RCC1L: variants seen among roughly 807,000 people sequenced by gnomAD.
RCC1L encodes the protein RCC1 like.
In RCC1L, 46 loss-of-function variants were observed where a neutral mutation model predicts 58.6. The observed-to-expected ratio is 0.79, with a 90% confidence interval of 0.62 to 1.00. The LOEUF (loss-of-function observed/expected upper bound fraction) is 1.00. Among genes scored for constraint, RCC1L ranks in the 50% least tolerant of loss-of-function variants. The pLI, the probability that RCC1L is intolerant of heterozygous loss-of-function variation, is 0.00. For synonymous variants in RCC1L, 281 were observed against 262.9 expected (o/e 1.07, Z -0.67); for missense variants, 636 against 623.6 (o/e 1.02, Z -0.21).
downstream of RCC1L, among the ~76,000 whole-genome samples, chr7:75,037,788 C>T (rs1392145287): frequency 6.6e-6 from 1 of 152,060 alleles, no homozygotes; most frequent in South Asian, 2.1e-4. Flanking sequence ...GGATTACAGG[C>T]GTGAGCCACC....
intron 5 of RCC1L, among the ~76,000 whole-genome samples, chr7:75,062,847 A>G (rs1299920899): frequency 6.6e-6 from 1 of 151,996 alleles, no homozygotes; most frequent in Non-Finnish European, 1.5e-5. Context: ...TCCAGGCTGG[A>G]GTGCAGTGGT....
chr7:75,053,644 A>G (rs1182035428), intron 9 of RCC1L, among the ~76,000 whole-genome samples: 1 of 152,194 alleles, frequency 6.6e-6, no homozygotes, highest in Non-Finnish European at 1.5e-5. Context: ...TTAAGAGGTC[A>G]ACCCAGGAGA....
At chr7:75,028,620 A>G (rs1425841151) in intron 10 of RCC1L, among the ~76,000 whole-genome samples, 5 of 152,104 alleles carry the variant, frequency 3.3e-5, no homozygotes, top group Admixed American at 3.3e-4. Context: ...CCTCCCTGCC[A>G]CTGATAAGTT....
At chr7:75,038,720 A>G (rs1045691212), downstream of RCC1L, among the ~76,000 whole-genome samples, 12 of 152,034 alleles carry the variant, frequency 7.9e-5, no homozygotes, top group Non-Finnish European at 1.6e-4. Flanking sequence ...CTGCATCCTC[A>G]GATGCTGCAG....
In RCC1L at chr7:75,042,609, G is replaced by A; in HGVS notation, c.*423C>T. 9.8e-7 allele frequency: 1 copy of A among 1,018,834 alleles called. No homozygotes were observed. The highest frequency in any genetic ancestry group is 1.7e-5 in the African/African-American group (1 of 58,066). The allele number at this position is 1,018,834 out of a possible 1,614,324, so 63.1% of individuals were successfully genotyped here. On this transcript the variant is annotated 3_prime_UTR_variant, in exon 11 of 11. Transcript: ENST00000610322. Reference sequence around the variant, plus strand: ...ACTCCCTCGCCTAAGCTGGGGCTCGGTCCGAGGCACACGCATGGCCTTGGC... The same window carrying A: ...ACTCCCTCGCCTAAGCTGGGGCTCGATCCGAGGCACACGCATGGCCTTGGC...
intron 3 of RCC1L, 102 bp downstream of exon 3, chr7:75,066,562 A>G: frequency 5.3e-6 from 8 of 1,512,600 alleles, no homozygotes; most frequent in South Asian, 2.3e-5. Context: ...CACTCATTAG[A>G]TGTGGCTCAA....
Position 75,032,168 on chromosome 7 carries a change from A to G in RCC1L, c.1318-4089T>C, listed in dbSNP as rs980095101. 1.3e-5 allele frequency among the ~76,000 whole-genome samples: 2 copies of G among 152,196 alleles called. 1 individual carries two copies. The highest frequency in any genetic ancestry group is 4.1e-4 in the South Asian group (2 of 4,830). ...ATGACTGGGGGCCATCTTGGAGGCCAGCTACTATGCCCAGCATCCCCACCC... is the reference window on the plus strand; with the variant it reads ...ATGACTGGGGGCCATCTTGGAGGCCGGCTACTATGCCCAGCATCCCCACCC... On this transcript the variant is annotated intron_variant, in intron 10 of 10. Coordinates refer to the RCC1L transcript ENST00000614461.
At chr7:75,047,081 C>A (rs1238746489) in intron 10 of RCC1L, among the ~76,000 whole-genome samples, 1 of 152,166 alleles carries the variant, frequency 6.6e-6, no homozygotes, top group Non-Finnish European at 1.5e-5. Flanking sequence ...CCTCAGCCCC[C>A]CAAGTAGCTG....
At chr7:75,064,947 T>C (rs1008241091) in intron 3 of RCC1L, among the ~76,000 whole-genome samples, 2 of 152,018 alleles carry the variant, frequency 1.3e-5, no homozygotes, top group African/African-American at 4.8e-5. Context: ...CAATCCCCTC[T>C]AGAAAGAGCC....
At chr7:75,041,264 G>T (rs587623628), downstream of RCC1L, among the ~76,000 whole-genome samples, 2 of 151,922 alleles carry the variant, frequency 1.3e-5, no homozygotes, top group South Asian at 4.2e-4. Context: ...TAGCCCTCCC[G>T]AGATCCCATC....
intron 10 of RCC1L, among the ~76,000 whole-genome samples, chr7:75,036,752 T>C (rs1805437858): frequency 1.3e-5 from 2 of 151,982 alleles, no homozygotes; most frequent in African/African-American, 4.8e-5. Flanking sequence ...AGACAAAAAT[T>C]AGCTGGAGTT....
intron 10 of RCC1L, among the ~76,000 whole-genome samples, chr7:75,028,793 C>T (rs1805216483): frequency 6.6e-6 from 1 of 152,216 alleles, no homozygotes; most frequent in South Asian, 2.1e-4. Flanking sequence ...ACACCACTGT[C>T]CTCAGCCCGA....
chr7:75,039,210 G>A (rs951747536), downstream of RCC1L, among the ~76,000 whole-genome samples: 1 of 152,222 alleles, frequency 6.6e-6, no homozygotes, highest in Admixed American at 6.5e-5. Context: ...TGCTAGTACC[G>A]GGTGGAAGGC....
chr7:75,030,566 G>A (rs892581090), intron 10 of RCC1L, among the ~76,000 whole-genome samples: 1 of 152,150 alleles, frequency 6.6e-6, no homozygotes, highest in Non-Finnish European at 1.5e-5. Context: ...CTAAGGATTG[G>A]AGGATGCACT....
intron 3 of RCC1L, 132 bp from the exon 4 acceptor site, chr7:75,064,780 C>T: frequency 1.0e-6 from 1 of 971,756 alleles, no homozygotes; most frequent in Non-Finnish European, 1.7e-6. Flanking sequence ...CCTGGGTTTC[C>T]TTCTCCAACT....
At chr7:75,032,276 G>A (rs1434898597) in intron 10 of RCC1L, among the ~76,000 whole-genome samples, 1 of 152,192 alleles carries the variant, frequency 6.6e-6, no homozygotes, top group Non-Finnish European at 1.5e-5. Flanking sequence ...CAAGGGAAGG[G>A]TCAGGGGCTG....
chr7:75,042,881 C>A lies in RCC1L; in HGVS notation c.*151G>T. On this transcript the variant is annotated 3_prime_UTR_variant, in exon 11 of 11. Coordinates refer to ENST00000610322, the MANE Select transcript of RCC1L (RefSeq NM_030798.5). Reference sequence around the variant, plus strand: ...TTGCCCTGATCCTCCTGGTAGGTACCCGCTAAGGGATTCAGGACAGAGCGT... The same window carrying A: ...TTGCCCTGATCCTCCTGGTAGGTACACGCTAAGGGATTCAGGACAGAGCGT... 1 of 1,481,928 alleles carries A rather than the reference C, an allele frequency of 6.7e-7. No homozygotes were observed. The highest frequency in any genetic ancestry group is 9.0e-7 in the Non-Finnish European group (1 of 1,109,580). The allele number at this position is 1,481,928 out of a possible 1,614,324, so 91.8% of individuals were successfully genotyped here.
At chr7:75,063,453 T>A in intron 4 of RCC1L, 110 bp from the exon 5 acceptor site, 1 of 1,140,300 alleles carries the variant, frequency 8.8e-7, no homozygotes, top group Non-Finnish European at 1.3e-6. Flanking sequence ...GCTCACACAG[T>A]AACTGTTGGG....
Position 75,033,714 on chromosome 7 carries a change from C to T in RCC1L, c.1318-5635G>A, listed in dbSNP as rs1178683466. ...TATCAAAAAAAAAAAAAAAAATTAGCCGGGTGTGGTGGTGCATACCTGTAA... is the reference window on the plus strand; with the variant it reads ...TATCAAAAAAAAAAAAAAAAATTAGTCGGGTGTGGTGGTGCATACCTGTAA... On this transcript the variant is annotated intron_variant, in intron 10 of 10. Coordinates refer to the RCC1L transcript ENST00000614461. 7.8e-3 allele frequency among the ~76,000 whole-genome samples: 1,167 copies of T among 150,254 alleles called. 6 individuals carry two copies. Among genetic ancestry groups the T allele is most frequent in the Non-Finnish European group, 0.012 (830 of 67,592 alleles).
Sources: allele counts gnomAD v4.1 joint callset (sites outside exome capture counted in the v4.1 genomes callset), GRCh38; gene constraint gnomAD v4.1.1; transcripts MANE v1.5; gene names NCBI Gene and HGNC (gene_info 2026-07-23, HGNC 2026-07-21).